The following ZBTB2 variants were observed in gnomAD, a reference collection of about 807,000 sequenced individuals.
ZBTB2 encodes the protein zinc finger and BTB domain containing 2, also known as zinc finger and BTB domain-containing protein 2.
Under a neutral mutation model 39.5 loss-of-function variants are expected in ZBTB2, and 2 were observed. The observed-to-expected ratio is 0.05, with a 90% CI of 0.02 to 0.16. The LOEUF (loss-of-function observed/expected upper bound fraction) is 0.16. Among genes scored for constraint, ZBTB2 ranks in the 10% least tolerant of loss-of-function variants. The pLI is 1.00. For missense variants in ZBTB2, 391 were observed against 653.0 expected (o/e 0.60, Z 4.37); for synonymous variants, 251 against 256.6 (o/e 0.98, Z 0.21).
chr6:151,377,010 A>C (rs1778924480), intron 1 of ZBTB2, among the ~76,000 whole-genome samples: 1 of 152,214 alleles, frequency 6.6e-6, no homozygotes, highest in African/African-American at 2.4e-5. Flanking sequence ...ACTCAGCCAT[A>C]AGAAGAAACG....
Position 151,366,799 on chromosome 6 carries a change from G to T in ZBTB2, c.267C>A (p.Leu89=). 2.5e-6 allele frequency: 4 copies of T among 1,614,160 alleles called. No individual in the cohort carries two copies. Among genetic ancestry groups the T allele is most frequent in the Non-Finnish European group, 3.4e-6 (4 of 1,180,036 alleles). The change falls in exon 3 of 3, where the codon CTC becomes CTA. Residue 89 remains leucine (L), a synonymous_variant. Transcript: ENST00000325144. The surrounding 1 kb of genome is among the most constrained non-coding windows in gnomAD (Gnocchi z 7.1). The stretch of plus-strand genomic sequence containing the variant: ...CCTGTTCTAATCGAACCGGGTCGAT[G>T]AGCTGAGGCGCCATCTTCCCAGTGT... The part of the protein sequence containing the change: ...LMYTGKMAPQ[L]IDPVRLEQGI...
In ZBTB2 at chr6:151,366,326, T is replaced by C. The variant is rs771082263; in HGVS notation, c.740A>G (p.Asn247Ser). 3 of 1,613,984 alleles carry C rather than the reference T, an allele frequency of 1.9e-6. No homozygotes were observed. The highest frequency in any genetic ancestry group is 1.3e-5 in the African/African-American group (1 of 74,920). ...GGCATAGTACTTTGGAAAGCTCCCA[T>C]TCCTCTTCATGATGCTTGGCTTGAC... ...AHVKPSIMKR[N>S]GSFPKYYACH... The change falls in exon 3 of 3, where the codon AAT becomes AGT. Residue 247 changes from asparagine (N) to serine (S), a missense_variant. Physicochemically the swap from Asn to Ser is conservative, Grantham distance 46 (BLOSUM62 1). Coordinates refer to ENST00000325144, the MANE Select transcript of ZBTB2 (RefSeq NM_020861.3). The surrounding 1 kb of genome is among the most constrained non-coding windows in gnomAD (Gnocchi z 7.1).
intron 1 of ZBTB2, among the ~76,000 whole-genome samples, chr6:151,381,685 C>A (rs1256446529): frequency 1.3e-5 from 2 of 152,192 alleles, no homozygotes; most frequent in Non-Finnish European, 2.9e-5. Flanking sequence ...CTGGTGCTAA[C>A]CTAAACTAAT....
At chr6:151,389,322 CACA>C (rs1368266823) in intron 1 of ZBTB2, among the ~76,000 whole-genome samples, 6 of 152,118 alleles carry the variant, frequency 3.9e-5, no homozygotes, top group East Asian at 1.9e-4. Flanking sequence ...ATCCTGGATA[CACA>C]ACAAGATCAT....
chr6:151,377,611 G>T (rs563312963), intron 1 of ZBTB2, among the ~76,000 whole-genome samples: 53 of 147,720 alleles, frequency 3.6e-4, no homozygotes, highest in Non-Finnish European at 6.1e-4. Context: ...TGTGATCTCG[G>T]CACACTGACA....
intron 1 of ZBTB2, among the ~76,000 whole-genome samples, chr6:151,383,553 C>A (rs1277111201): frequency 6.6e-6 from 1 of 152,158 alleles, no homozygotes; most frequent in Non-Finnish European, 1.5e-5. Flanking sequence ...CCCAGAAGGT[C>A]CTGAACACCC....
chr6:151,373,991 G>A (rs536214473), intron 1 of ZBTB2, among the ~76,000 whole-genome samples: 51 of 152,016 alleles, frequency 3.4e-4, no homozygotes, highest in Admixed American at 5.9e-4. Flanking sequence ...TAAGCATCAC[G>A]TCCTGGAGAC....
At chr6:151,390,969 G>C (rs1283188731) in intron 1 of ZBTB2, among the ~76,000 whole-genome samples, 1 of 150,766 alleles carries the variant, frequency 6.6e-6, no homozygotes, top group African/African-American at 2.4e-5. Context: ...CGGGAAGGGA[G>C]GGACCGGCCA....
intron 2 of ZBTB2, among the ~76,000 whole-genome samples, chr6:151,370,402 T>C (rs1778762668): frequency 6.6e-6 from 1 of 152,256 alleles, no homozygotes; most frequent in Non-Finnish European, 1.5e-5. Flanking sequence ...ACTACAGCTA[T>C]AAGCCCTTTC....
At chr6:151,371,332 A>C (rs1778784664) in intron 2 of ZBTB2, among the ~76,000 whole-genome samples, 4 of 152,210 alleles carry the variant, frequency 2.6e-5, no homozygotes, top group Admixed American at 2.6e-4. Flanking sequence ...AGGTACACAC[A>C]TAACAACATA....
At position 151,364,557 on chromosome 6, in the gene ZBTB2, T is replaced by C. The variant is rs1168865312; in HGVS notation, c.*964A>G. The C allele has an allele frequency of 6.6e-6, 1 of 152,280 alleles. No homozygotes were observed. The highest frequency in any genetic ancestry group is 1.5e-5 in the Non-Finnish European group (1 of 68,048). 9.4% of individuals were successfully genotyped at this position (152,280 alleles called of 1,614,324 possible). A position where few individuals can be genotyped will look rare whatever the true frequency, so the allele number is the denominator to read the frequency against. ...ATTGACTTTCAGTCATTGAAGTTAC[T>C]ACATCTTCTGGTCACAAATTCCCCT... On this transcript the variant is annotated 3_prime_UTR_variant, in exon 3 of 3. Coordinates refer to ENST00000325144, the MANE Select transcript of ZBTB2 (RefSeq NM_020861.3).
At chr6:151,384,337 A>G (rs1779105228) in intron 1 of ZBTB2, among the ~76,000 whole-genome samples, 1 of 152,182 alleles carries the variant, frequency 6.6e-6, no homozygotes, top group African/African-American at 2.4e-5. Context: ...TACAATGTAG[A>G]GACTGCGGAA....
chr6:151,377,629 T>TGA (rs1160726756), intron 1 of ZBTB2, among the ~76,000 whole-genome samples: 112 of 148,944 alleles, frequency 7.5e-4, no homozygotes, highest in Non-Finnish European at 1.9e-4. Context: ...ACACCTCCGT[T>TGA]GCTGGGTTCA....
intron 1 of ZBTB2, among the ~76,000 whole-genome samples, chr6:151,376,381 C>T (rs9371511): frequency 0.15 from 22,457 of 152,084 alleles, 3,543 homozygotes; most frequent in African/African-American, 0.4. Context: ...CGAAAGACCT[C>T]ATTGAGAGGA....
chr6:151,373,842 T>TAAAAA (rs1230724818), intron 1 of ZBTB2, among the ~76,000 whole-genome samples, 193 bp from the exon 2 acceptor site: 1 of 29,244 alleles, frequency 3.4e-5, no homozygotes, highest in Non-Finnish European at 6.6e-5. Context: ...CATTATGCCT[T>TAAAAA]TAAAAAAAAA....
In ZBTB2 at chr6:151,378,371, G is replaced by A. The variant is rs895681860; in HGVS notation, c.-12-4722C>T. On this transcript the variant is annotated intron_variant, in intron 1 of 2. Transcript: ENST00000325144. ...ATAAAGACCTAGACTGTTGTCTCAT[G>A]CAAACAGATGGTATGGATCAGTTTC... Among the ~76,000 whole-genome samples the A allele has an allele frequency of 8.5e-5, 13 of 152,276 alleles. No individual in the cohort carries two copies. The South Asian group carries it at 1.4e-3, about 17-fold the overall frequency.
At chr6:151,377,260 G>A (rs1381595068) in intron 1 of ZBTB2, among the ~76,000 whole-genome samples, 1 of 152,008 alleles carries the variant, frequency 6.6e-6, no homozygotes, top group African/African-American at 2.4e-5. Context: ...CTGTGATACT[G>A]TACTATAGTT....
chr6:151,369,192 C>CA (rs1381017351), intron 2 of ZBTB2, among the ~76,000 whole-genome samples: 1 of 151,926 alleles, frequency 6.6e-6, no homozygotes, highest in Non-Finnish European at 1.5e-5. Flanking sequence ...TCTCAGATGG[C>CA]AAAAAAGGGA....
chr6:151,387,614 G>GC, intron 1 of ZBTB2, among the ~76,000 whole-genome samples: 1 of 152,292 alleles, frequency 6.6e-6, no homozygotes, highest in Non-Finnish European at 1.5e-5. Flanking sequence ...CTTAGCGAGT[G>GC]CCCCCTGTTT....
Sources: allele counts gnomAD v4.1 joint callset (sites outside exome capture counted in the v4.1 genomes callset), GRCh38; gene constraint gnomAD v4.1.1; non-coding constraint Gnocchi (gnomAD v3.1); transcripts MANE v1.5; gene names NCBI Gene and HGNC (gene_info 2026-07-23, HGNC 2026-07-21).